AGBL1: variants seen among roughly 807,000 people sequenced by gnomAD.
AGBL1 encodes AGBL carboxypeptidase 1.
Under a neutral mutation model 118.9 loss-of-function variants are expected in AGBL1, and 130 were observed. The observed-to-expected ratio is 1.09, with a 90% CI of 0.95 to 1.26. AGBL1 has a LOEUF of 1.26. AGBL1 is among the 50% of genes most tolerant of loss of function. The pLI, the probability that AGBL1 is intolerant of heterozygous loss-of-function variation, is 0.00. For missense variants in AGBL1, 1,584 were observed against 1,298.1 expected, an observed-to-expected ratio of 1.22 and a Z score of -3.38; for synonymous variants, 555 against 478.9, an observed-to-expected ratio of 1.16 and a Z score of -2.08.
At chr15:86,492,694 G>A (rs1486297902) in intron 18 of AGBL1, among the ~76,000 whole-genome samples, 1 of 151,926 alleles carries the variant, frequency 6.6e-6, no homozygotes, top group Non-Finnish European at 1.5e-5. Flanking sequence ...TGAGTTTTAA[G>A]CAAGTGTGTG....
chr15:87,021,661 C>A (rs1445304104), intron 24 of AGBL1, among the ~76,000 whole-genome samples: 5 of 152,094 alleles, frequency 3.3e-5, no homozygotes, highest in Non-Finnish European at 7.4e-5. Context: ...AAAAAACATA[C>A]AACCCCATTA....
intron 19 of AGBL1, among the ~76,000 whole-genome samples, chr15:86,526,813 G>T (rs1427926466): frequency 6.6e-6 from 1 of 151,866 alleles, no homozygotes; most frequent in African/African-American, 2.4e-5. Flanking sequence ...GGTATGCAAA[G>T]GCATACAGAC....
intron 22 of AGBL1, among the ~76,000 whole-genome samples, chr15:86,903,582 A>C (rs1380684273): frequency 2.0e-5 from 3 of 152,134 alleles, no homozygotes; most frequent in Non-Finnish European, 2.9e-5. Context: ...GGGCATTTTG[A>C]GTATTATCCT....
intron 22 of AGBL1, among the ~76,000 whole-genome samples, chr15:86,696,834 T>C (rs182125365): frequency 2.0e-5 from 3 of 152,068 alleles, no homozygotes; most frequent in East Asian, 1.9e-4. Flanking sequence ...CTGGAAAAGA[T>C]TGTATATTTC....
chr15:86,416,103 C>T (rs753470746), intron 18 of AGBL1, among the ~76,000 whole-genome samples: 1 of 152,112 alleles, frequency 6.6e-6, no homozygotes, highest in Non-Finnish European at 1.5e-5. Context: ...GGTACCCCCT[C>T]AGACAGTTCA....
chr15:86,864,848 T>A (rs1316648176), intron 22 of AGBL1, among the ~76,000 whole-genome samples: 1 of 152,222 alleles, frequency 6.6e-6, no homozygotes, highest in Non-Finnish European at 1.5e-5. Context: ...TGGATGTCTA[T>A]GAAAGCATTC....
At chr15:86,706,910 C>T (rs2086459321) in intron 22 of AGBL1, among the ~76,000 whole-genome samples, 1 of 152,066 alleles carries the variant, frequency 6.6e-6, no homozygotes, top group African/African-American at 2.4e-5. Flanking sequence ...TATGACACAA[C>T]ACATTTTCCT....
chr15:86,558,811 A>C (rs1373363658), intron 21 of AGBL1, among the ~76,000 whole-genome samples: 2 of 152,174 alleles, frequency 1.3e-5, no homozygotes, highest in Admixed American at 1.3e-4. Context: ...TAGAGACCGC[A>C]GATCAGAGCA....
chr15:86,864,699 A>C (rs1485827765), intron 22 of AGBL1, among the ~76,000 whole-genome samples: 2 of 152,178 alleles, frequency 1.3e-5, no homozygotes, highest in Non-Finnish European at 2.9e-5. Context: ...AGGCATCAGG[A>C]AATTAAGTCA....
intron 22 of AGBL1, among the ~76,000 whole-genome samples, chr15:86,813,608 G>A (rs764451553): frequency 6.6e-6 from 1 of 152,124 alleles, no homozygotes; most frequent in Non-Finnish European, 1.5e-5. Context: ...CCAACAGACA[G>A]ATCCTCTGGA....
In AGBL1 at chr15:86,310,636, G is replaced by A. The variant is rs545911457; in HGVS notation, c.2374+15228G>A. 1.6e-3 allele frequency among the ~76,000 whole-genome samples: 237 copies of A among 152,224 alleles called. 1 individual carries two copies. Among genetic ancestry groups the A allele is most frequent in the African/African-American group, 5.5e-3 (229 of 41,560 alleles). On this transcript the variant is annotated intron_variant, in intron 17 of 22. Coordinates refer to ENST00000614907, the MANE Select transcript of AGBL1 (RefSeq NM_001386094.1). ...GGGGACTGGCTTGGAGCCTGTGTTCGCAGGGGCTGAACGAGCACCTCTACT... is the reference window on the plus strand; with the variant it reads ...GGGGACTGGCTTGGAGCCTGTGTTCACAGGGGCTGAACGAGCACCTCTACT...
intron 1 of AGBL1, among the ~76,000 whole-genome samples, chr15:86,103,212 A>T (rs1192910842): frequency 1.3e-5 from 2 of 152,070 alleles, no homozygotes; most frequent in Non-Finnish European, 2.9e-5. Flanking sequence ...TTTTTGTGAT[A>T]TATTTGTATT....
chr15:86,616,626 T>C (rs2084731075), intron 21 of AGBL1, among the ~76,000 whole-genome samples: 1 of 152,184 alleles, frequency 6.6e-6, no homozygotes, highest in Non-Finnish European at 1.5e-5. Flanking sequence ...CTACATAATG[T>C]TGAGTCACTT....
At chr15:86,836,954 G>C (rs958250056) in intron 22 of AGBL1, among the ~76,000 whole-genome samples, 3 of 151,978 alleles carry the variant, frequency 2.0e-5, no homozygotes, top group Non-Finnish European at 2.9e-5. Flanking sequence ...TTCATTATCT[G>C]CTTCCTCATA....
At chr15:86,288,924 A>C (rs952624248) in intron 16 of AGBL1, among the ~76,000 whole-genome samples, 1 of 152,092 alleles carries the variant, frequency 6.6e-6, no homozygotes, top group Non-Finnish European at 1.5e-5. Context: ...TGTGCCCTTT[A>C]TCAAAATAAG....
chr15:86,659,541 T>C (rs746675776), intron 21 of AGBL1, among the ~76,000 whole-genome samples: 3 of 152,204 alleles, frequency 2.0e-5, no homozygotes, highest in African/African-American at 7.2e-5. Context: ...AGTATGCTCC[T>C]ATCTTCTGCT....
At chr15:86,207,796 C>A (rs1172337976) in intron 5 of AGBL1, among the ~76,000 whole-genome samples, 1 of 152,116 alleles carries the variant, frequency 6.6e-6, no homozygotes. Flanking sequence ...TAATTGAATA[C>A]CCTTTATTTC....
At chr15:86,974,491 TA>T (rs2081150529) in intron 23 of AGBL1, among the ~76,000 whole-genome samples, 1 of 130,798 alleles carries the variant, frequency 7.6e-6, no homozygotes, top group Admixed American at 8.0e-5. Context: ...AATATAAACA[TA>T]TTTTATATAT....
chr15:86,633,916 T>C lies in AGBL1; in HGVS notation c.2995-40357T>C, dbSNP rs990848638. On this transcript the variant is annotated intron_variant, in intron 21 of 22. Coordinates refer to ENST00000614907, the MANE Select transcript of AGBL1 (RefSeq NM_001386094.1). Reference sequence around the variant, plus strand: ...TATAATGTATATATATATAACTTTATAAATAATCCACCACACATAAAGTGA... The same window carrying C: ...TATAATGTATATATATATAACTTTACAAATAATCCACCACACATAAAGTGA... Among the ~76,000 whole-genome samples the C allele has an allele frequency of 5.0e-4, 73 of 147,370 alleles. 1 individual carries two copies. The highest frequency in any genetic ancestry group is 1.8e-3 in the African/African-American group (71 of 39,986).
Sources: gnomAD v4.1 joint callset for allele counts (sites outside exome capture counted in the v4.1 genomes callset) on GRCh38, gnomAD v4.1.1 for gene constraint, MANE v1.5 for transcripts, NCBI Gene and HGNC (gene_info 2026-07-23, HGNC 2026-07-21) for gene names.